The following RHCE variants were observed in gnomAD, a reference collection of about 807,000 sequenced individuals.
RHCE encodes Rh blood group CcEe antigens.
A neutral mutation model predicts 43.8 loss-of-function variants in RHCE; 22 were observed. The observed-to-expected ratio is 0.50, with a 90% CI of 0.36 to 0.72. The LOEUF is 0.72. RHCE is among the 30% of genes least tolerant of loss of function. RHCE has a pLI of 0.00. For synonymous variants in RHCE, 156 were observed against 210.7 expected, an observed-to-expected ratio of 0.74 and a Z score of 2.25; for missense variants, 385 against 525.4, an observed-to-expected ratio of 0.73 and a Z score of 2.61.
At chr1:25,397,696 T>C (rs1646597308) in intron 3 of RHCE, among the ~76,000 whole-genome samples, 1 of 151,608 alleles carries the variant, frequency 6.6e-6, no homozygotes, top group South Asian at 2.1e-4. Flanking sequence ...CTTCCACAAA[T>C]GATCTTAGTC....
intron 8 of RHCE, among the ~76,000 whole-genome samples, chr1:25,370,773 GA>G (rs1557596980): frequency 6.8e-6 from 1 of 147,296 alleles, no homozygotes; most frequent in African/African-American, 2.5e-5. Flanking sequence ...TTTTGAGACA[GA>G]GTCTCACTCT....
At position 25,362,404 on chromosome 1, in the gene RHCE, C is replaced by G. The variant is rs760298484; in HGVS notation, c.*123G>C. ...TTTTAATATCAAATCTGTCTCTGAC[C>G]TTGTTTCATTATACATAAGGAGACT... is the stretch of plus-strand genomic sequence containing the variant. On this transcript the variant is annotated 3_prime_UTR_variant, in exon 10 of 10. Coordinates refer to ENST00000294413, the MANE Select transcript of RHCE (RefSeq NM_020485.8). 11 of 1,610,284 alleles carry G rather than the reference C, an allele frequency of 6.8e-6. No individual in the cohort carries two copies. Among genetic ancestry groups the G allele is most frequent in the Middle Eastern group, 1.7e-4 (1 of 6,052 alleles).
chr1:25,404,169 CAAAAAA>C (rs3079571), intron 2 of RHCE, among the ~76,000 whole-genome samples: 5 of 90,972 alleles, frequency 5.5e-5, no homozygotes, highest in South Asian at 9.0e-4. Flanking sequence ...CTCTGTCTCA[CAAAAAA>C]AAAAAAAAAA....
chr1:25,379,796 T>A (rs185352551), intron 7 of RHCE, among the ~76,000 whole-genome samples: 1 of 152,056 alleles, frequency 6.6e-6, no homozygotes, highest in Non-Finnish European at 1.5e-5. Flanking sequence ...CACCTCAGCC[T>A]CCTGAGTAGC....
At chr1:25,376,042 T>C (rs878858221) in intron 7 of RHCE, among the ~76,000 whole-genome samples, 28 of 152,098 alleles carry the variant, frequency 1.8e-4, no homozygotes, top group African/African-American at 4.8e-4. Flanking sequence ...CTGCCCGCCT[T>C]GGCCTCCCAA....
chr1:25,409,575 C>T lies in RHCE; in HGVS notation c.149-706G>A, dbSNP rs1443450076. Among the ~76,000 whole-genome samples the T allele has an allele frequency of 8.9e-5, 11 of 123,934 alleles. 3 individuals carry two copies. Among genetic ancestry groups the T allele is most frequent in the Non-Finnish European group, 1.7e-4 (9 of 54,248 alleles). The allele number at this position is 123,934 out of a possible 152,430, so 81.3% of individuals were successfully genotyped here. A position where few individuals can be genotyped will look rare whatever the true frequency, so the allele number is the denominator to read the frequency against. ...GGCCCAGCAAAGCGGAGGGTGAGCA[C>T]TTTGGTTTAATTCCAGTTTTGAAAA... On this transcript the variant is annotated intron_variant, in intron 1 of 9. Transcript: ENST00000294413.
chr1:25,408,977 C>T lies in RHCE; in HGVS notation c.149-108G>A, dbSNP rs1646995492. ...GGCAGCTGGAAGGGGCATGCAAGAT[C>T]GTTTACAAGTATTTGGTCAAGTTAC... On this transcript the variant is annotated intron_variant, in intron 1 of 9. Transcript: ENST00000294413. The T allele has an allele frequency of 2.5e-5, 17 of 689,330 alleles. 4 individuals are homozygous for T. Among genetic ancestry groups the T allele is most frequent in the Admixed American group, 9.1e-5 (3 of 32,956 alleles). 42.7% of individuals were successfully genotyped at this position (689,330 alleles called of 1,614,324 possible). A position where few individuals can be genotyped will look rare whatever the true frequency, so the allele number is the denominator to read the frequency against.
intron 1 of RHCE, among the ~76,000 whole-genome samples, chr1:25,415,861 C>A (rs1647372402): frequency 6.6e-6 from 1 of 151,708 alleles, no homozygotes. Context: ...AACTTTCACG[C>A]ACAGAAGAAT....
chr1:25,419,586 A>G (rs1403739831), intron 1 of RHCE, among the ~76,000 whole-genome samples: 1 of 152,174 alleles, frequency 6.6e-6, no homozygotes, highest in Non-Finnish European at 1.5e-5. Flanking sequence ...TCCATTATCA[A>G]CAACCTATCA....
chr1:25,370,234 C>A (rs1645567229), intron 9 of RHCE, among the ~76,000 whole-genome samples: 4 of 151,594 alleles, frequency 2.6e-5, no homozygotes, highest in Admixed American at 2.6e-4. Context: ...TCATCCCTGA[C>A]TCTGAATGAA....
intron 1 of RHCE, among the ~76,000 whole-genome samples, chr1:25,415,422 G>A (rs1447296752): frequency 6.6e-6 from 1 of 152,166 alleles, no homozygotes; most frequent in South Asian, 2.1e-4. Flanking sequence ...GGAGGCCGAG[G>A]CGGGTGGATC....
At chr1:25,399,917 A>T (rs1314680245) in intron 3 of RHCE, among the ~76,000 whole-genome samples, 1 of 152,206 alleles carries the variant, frequency 6.6e-6, no homozygotes, top group Non-Finnish European at 1.5e-5. Context: ...TATAAGTAAT[A>T]AATTGTTATT....
intron 1 of RHCE, among the ~76,000 whole-genome samples, chr1:25,413,829 T>G (rs534273346): frequency 1.1e-4 from 17 of 152,126 alleles, no homozygotes; most frequent in Non-Finnish European, 2.1e-4. Flanking sequence ...TAGTAAATGG[T>G]AGCAGGAGGA....
intron 3 of RHCE, chr1:25,399,099 G>A: frequency 6.3e-7 from 1 of 1,583,356 alleles, no homozygotes; most frequent in Non-Finnish European, 8.7e-7. Context: ...TGCCAAGGCA[G>A]GGCTTTTGGC....
chr1:25,418,035 T>C (rs1488685023), intron 1 of RHCE, among the ~76,000 whole-genome samples: 1 of 152,172 alleles, frequency 6.6e-6, no homozygotes. Flanking sequence ...TATTTATTAC[T>C]ATTATTTTTT....
intron 9 of RHCE, among the ~76,000 whole-genome samples, 161 bp downstream of exon 9, chr1:25,370,306 G>A (rs1470978946): frequency 1.3e-5 from 2 of 151,544 alleles, no homozygotes; most frequent in Non-Finnish European, 2.9e-5. Flanking sequence ...CCACACACAT[G>A]CATATCATGG....
intron 7 of RHCE, chr1:25,385,470 G>T: frequency 6.6e-6 from 4 of 602,768 alleles, no homozygotes; most frequent in Non-Finnish European, 1.2e-5. Flanking sequence ...AGAAGATTTC[G>T]TGTCTTTGGT....
chr1:25,390,354 C>T (rs866835356), intron 5 of RHCE, among the ~76,000 whole-genome samples: 20 of 151,354 alleles, frequency 1.3e-4, no homozygotes, highest in African/African-American at 4.7e-4. Flanking sequence ...TACTTCTCTA[C>T]TTCTGATTCT....
intron 3 of RHCE, among the ~76,000 whole-genome samples, chr1:25,394,751 T>C (rs1190321966): frequency 2.0e-5 from 3 of 152,186 alleles, no homozygotes. Context: ...GTCTATGCAG[T>C]TTCCTGATAA....
Sources: gnomAD v4.1 joint callset for allele counts (sites outside exome capture counted in the v4.1 genomes callset) on GRCh38, gnomAD v4.1.1 for gene constraint, MANE v1.5 for transcripts, NCBI Gene and HGNC (gene_info 2026-07-23, HGNC 2026-07-21) for gene names.